Variants in COQ6 observed in about 807,000 individuals in gnomAD.
The protein encoded by COQ6 is coenzyme Q6, monooxygenase.
Under a neutral mutation model 55.5 loss-of-function variants are expected in COQ6, and 45 were observed. The ratio of observed to expected loss-of-function variants is 0.81; its 90% CI spans 0.64 to 1.04. The LOEUF (loss-of-function observed/expected upper bound fraction) is 1.04. Ranked by LOEUF, COQ6 falls within the 50% of genes least tolerant of loss-of-function variation. The pLI is 0.00. For synonymous variants in COQ6, 206 were observed against 230.5 expected, an observed-to-expected ratio of 0.89 and a Z score of 0.96; for missense variants, 550 against 601.3, an observed-to-expected ratio of 0.91 and a Z score of 0.89.
chr14:73,956,189 A>G (rs530662693), intron 4 of COQ6: 111 of 389,598 alleles, frequency 2.8e-4, no homozygotes, highest in South Asian at 1.7e-3. Flanking sequence ...TTAGCCAGGC[A>G]TGGTGGCGGG....
chr14:73,958,294 A>G lies in COQ6; in HGVS notation c.612+17A>G. The G allele has an allele frequency of 3.7e-6, 6 of 1,613,686 alleles. No individual in the cohort carries two copies. The highest frequency in any genetic ancestry group is 5.1e-6 in the Non-Finnish European group (6 of 1,179,802). Reference sequence around the variant, plus strand: ...AAATTGTTGGTAGTTGAAGATTCTTATTTTGCTAGGGGTCTTGTATATCTA... The same window carrying G: ...AAATTGTTGGTAGTTGAAGATTCTTGTTTTGCTAGGGGTCTTGTATATCTA... On this transcript the variant is annotated intron_variant, in intron 5 of 11. Transcript: ENST00000334571.
rs900782544 is a variant in COQ6, at chr14:73,955,748, G to A, written c.358-57G>A. 4 of 1,612,820 alleles carry A rather than the reference G, an allele frequency of 2.5e-6. No homozygotes were observed. The African/African-American group carries it at 5.3e-5, about 22-fold the overall frequency. On this transcript the variant is annotated intron_variant, in intron 3 of 11. Transcript: ENST00000334571. ...CACTTGGGAAAGCAATATTGTTTCT[G>A]ATTGGAGTGATGTTTCCCTCTTGGT...
Position 73,958,185 on chromosome 14 carries a change from T to C in COQ6, c.520T>C (p.Tyr174His), listed in dbSNP as rs2056535741. 1 of 1,614,052 alleles carries C rather than the reference T, an allele frequency of 6.2e-7. No individual in the cohort carries two copies. Among genetic ancestry groups the C allele is most frequent in the Admixed American group, 1.7e-5 (1 of 59,986 alleles). Residue 174 changes from tyrosine (Y) to histidine (H), a missense_variant, in exon 5 of 12, where the codon TAT becomes CAT. Transcript: ENST00000334571. ...TVLYRSKAIR[Y>H]TWPCPFPMAD... ...TCTCTACAGGAGCAAAGCCATTCGC[T>C]ATACCTGGCCTTGTCCATTTCCTAT...
rs1412456875 is a variant in COQ6, at chr14:73,955,898, G to T, written c.451G>T (p.Ala151Ser). 2 of 1,614,028 alleles carry T rather than the reference G, an allele frequency of 1.2e-6. No homozygotes were observed. Among genetic ancestry groups the T allele is most frequent in the African/African-American group, 2.7e-5 (2 of 74,924 alleles). ...CGTGGAGAATGATGTCATCATGCAT[G>T]CTCTCACTAAGCAGTTGGAGGCTGT... ...YIVENDVIMHALTKQLEAVSD... is the reference protein window; with the variant it reads ...YIVENDVIMHSLTKQLEAVSD... The change falls in exon 4 of 12, where the codon GCT becomes TCT. Residue 151 changes from alanine (A) to serine (S), a missense_variant. Coordinates refer to ENST00000334571, the MANE Select transcript of COQ6 (RefSeq NM_182476.3).
intron 1 of COQ6, among the ~76,000 whole-genome samples, chr14:73,952,114 C>CTTTTTTTTTT (rs869273031): frequency 2.7e-5 from 2 of 73,784 alleles, no homozygotes; most frequent in Non-Finnish European, 5.2e-5. Flanking sequence ...CTGGAGCTAA[C>CTTTTTTTTTT]TTTTTTTTTT....
intron 1 of COQ6, among the ~76,000 whole-genome samples, chr14:73,951,404 C>T (rs1025775029): frequency 3.3e-5 from 5 of 151,340 alleles, no homozygotes; most frequent in Non-Finnish European, 5.9e-5. Flanking sequence ...GATGGAGTTT[C>T]GCTCTTGTTG....
intron 2 of COQ6, chr14:73,953,922 A>G (rs2056299913): frequency 2.9e-6 from 1 of 348,092 alleles, no homozygotes. Context: ...CAAGCCTTCT[A>G]GCAAGCTAGG....
At chr14:73,953,298 C>T in intron 1 of COQ6, 137 bp from the exon 2 acceptor site, 3 of 801,358 alleles carry the variant, frequency 3.7e-6, no homozygotes, top group East Asian at 2.4e-5. Context: ...GCTTAGGACT[C>T]TGCATGGGTA....
chr14:73,955,121 T>G (rs2056371541), intron 2 of COQ6, among the ~76,000 whole-genome samples: 1 of 151,202 alleles, frequency 6.6e-6, no homozygotes, highest in Non-Finnish European at 1.5e-5. Flanking sequence ...CCCAGCTGAT[T>G]TTTTGTATTT....
Position 73,955,806 on chromosome 14 carries a change from T to C in COQ6, c.359T>C (p.Val120Ala). 1 of 1,614,180 alleles carries C rather than the reference T, an allele frequency of 6.2e-7. No homozygotes were observed. Among genetic ancestry groups the C allele is most frequent in the South Asian group, 1.1e-5 (1 of 91,084 alleles). Residue 120 changes from valine (V) to alanine (A), a missense_variant and splice_region_variant, in exon 4 of 12, where the codon GTG becomes GCG. Coordinates refer to ENST00000334571, the MANE Select transcript of COQ6 (RefSeq NM_182476.3). Reference sequence around the variant, plus strand: ...CAGACTTTCCTTTTGTGTTTCCAGGTGTGGGACGCCTGCTCAGAGGCCCTG... The same window carrying C: ...CAGACTTTCCTTTTGTGTTTCCAGGCGTGGGACGCCTGCTCAGAGGCCCTG... Reference protein sequence around the residue: ...MRYRAFRRMQVWDACSEALIM... With the variant: ...MRYRAFRRMQAWDACSEALIM...
chr14:73,955,869 A>G lies in COQ6; in HGVS notation c.422A>G (p.Tyr141Cys). The G allele has an allele frequency of 1.9e-6, 3 of 1,614,176 alleles. No individual in the cohort carries two copies. The highest frequency in any genetic ancestry group is 2.5e-6 in the Non-Finnish European group (3 of 1,179,992). Residue 141 changes from tyrosine (Y) to cysteine (C), a missense_variant, in exon 4 of 12, where the codon TAT becomes TGT. By Grantham distance (194) the Tyr-to-Cys change is radical. Transcript: ENST00000334571. ...AAGGATAATTTAGATGACATGGGCT[A>G]TATCGTGGAGAATGATGTCATCATG... is the stretch of plus-strand genomic sequence containing the variant. ...FDKDNLDDMGYIVENDVIMHA... is the reference protein window; with the variant it reads ...FDKDNLDDMGCIVENDVIMHA...
intron 8 of COQ6, chr14:73,960,230 T>G: frequency 1.0e-6 from 1 of 987,046 alleles, no homozygotes; most frequent in Non-Finnish European, 1.2e-6. Context: ...TAGATAGATG[T>G]GGGTTCAAAA....
intron 1 of COQ6, among the ~76,000 whole-genome samples, chr14:73,952,618 C>A (rs1230032375): frequency 6.6e-6 from 1 of 152,112 alleles, no homozygotes; most frequent in African/African-American, 2.4e-5. Context: ...AGCAATCCTC[C>A]CACCTCGGCC....
chr14:73,959,412 C>A lies in COQ6; in HGVS notation c.784-3C>A, dbSNP rs1446866217. 6.2e-7 allele frequency: 1 copy of A among 1,614,066 alleles called. No individual in the cohort carries two copies. The highest frequency in any genetic ancestry group is 8.5e-7 in the Non-Finnish European group (1 of 1,180,050). On this transcript the variant is annotated splice_region_variant and splice_polypyrimidine_tract_variant and intron_variant, in intron 7 of 11. Coordinates refer to ENST00000334571, the MANE Select transcript of COQ6 (RefSeq NM_182476.3). ...CGTTGGTATTGGTGTTCTTTTGACACAGCTCTCAGACACCTTGAGTTCCTT... is the reference window on the plus strand; with the variant it reads ...CGTTGGTATTGGTGTTCTTTTGACAAAGCTCTCAGACACCTTGAGTTCCTT...
chr14:73,959,727 G>T (rs921395618), intron 8 of COQ6: 9 of 1,156,670 alleles, frequency 7.8e-6, no homozygotes, highest in Non-Finnish European at 1.1e-5. Context: ...GTGCCACCAT[G>T]CCCAGCTAAT....
In COQ6 at chr14:73,963,332, T is replaced by G. The variant is rs1417676119; in HGVS notation, c.*333T>G. On this transcript the variant is annotated 3_prime_UTR_variant, in exon 12 of 12. Transcript: ENST00000334571. The stretch of plus-strand genomic sequence containing the variant: ...AGAGAAAATTTACATTTTGTTTTTG[T>G]TTTAATGTTGGTCATAAATTTATAC... The G allele has an allele frequency of 2.3e-6, 1 of 440,426 alleles. No individual in the cohort carries two copies. The highest frequency in any genetic ancestry group is 2.0e-5 in the African/African-American group (1 of 49,890). The allele number at this position is 440,426 out of a possible 1,614,324, so 27.3% of individuals were successfully genotyped here.
intron 8 of COQ6, chr14:73,960,456 C>A: frequency 5.0e-6 from 5 of 990,742 alleles, no homozygotes; most frequent in Non-Finnish European, 4.8e-6. Context: ...AAAGACTCCA[C>A]TGCTCTGTAG....
At chr14:73,960,722 C>A in intron 8 of COQ6, 2 of 558,420 alleles carry the variant, frequency 3.6e-6, no homozygotes, top group Non-Finnish European at 5.2e-6. Context: ...TAGAAGTATG[C>A]ATAGGATGCT....
intron 1 of COQ6, among the ~76,000 whole-genome samples, chr14:73,951,398 G>T (rs2056186776): frequency 6.6e-6 from 1 of 151,550 alleles, no homozygotes; most frequent in Admixed American, 6.6e-5. Context: ...CCCTGAGATG[G>T]AGTTTCGCTC....
Sources: gnomAD v4.1 joint callset for allele counts (sites outside exome capture counted in the v4.1 genomes callset) on GRCh38, gnomAD v4.1.1 for gene constraint, MANE v1.5 for transcripts, NCBI Gene and HGNC (gene_info 2026-07-23, HGNC 2026-07-21) for gene names.